The following MICAL2 variants were observed in gnomAD, a reference collection of about 807,000 sequenced individuals.
MICAL2 encodes the protein [F-actin]-monooxygenase MICAL2.
MICAL2 carries 77 observed loss-of-function variants against 127.3 expected under a neutral mutation model. That is an observed-to-expected ratio of 0.60 (90% CI 0.50 to 0.73). The LOEUF (loss-of-function observed/expected upper bound fraction) is 0.73. Among genes scored for constraint, MICAL2 ranks in the 30% least tolerant of loss-of-function variants. The probability of loss-of-function intolerance (pLI) is 0.00; values close to 1 mark genes in which losing one functional copy is unlikely to be tolerated. For missense variants in MICAL2, 1,351 were observed against 1,434.4 expected (o/e 0.94, Z 0.94); for synonymous variants, 570 against 551.1 (o/e 1.03, Z -0.48).
At chr11:12,261,067 G>A in intron 26 of MICAL2, 2 of 985,558 alleles carry the variant, frequency 2.0e-6, no homozygotes, top group Non-Finnish European at 2.4e-6. Context: ...CCAAGGCTGT[G>A]CAGGGTCCAT....
downstream of MICAL2, among the ~76,000 whole-genome samples, chr11:12,360,553 G>C (rs1322019691): frequency 1.3e-5 from 2 of 152,180 alleles, no homozygotes; most frequent in African/African-American, 4.8e-5. Flanking sequence ...TTGCATAAAA[G>C]TGCATCCTTT....
chr11:12,360,958 G>A (rs1939196777), downstream of MICAL2, among the ~76,000 whole-genome samples: 1 of 151,576 alleles, frequency 6.6e-6, no homozygotes, highest in Non-Finnish European at 1.5e-5. Flanking sequence ...TTATTTACAA[G>A]AGAGAGCATT....
intron 29 of MICAL2, among the ~76,000 whole-genome samples, chr11:12,310,806 G>A (rs1039110734): frequency 2.6e-5 from 4 of 152,072 alleles, no homozygotes; most frequent in African/African-American, 9.7e-5. Context: ...TCATGAGGAT[G>A]AGACTTCTTT....
intron 31 of MICAL2, chr11:12,327,052 T>G (rs1024963175): frequency 1.6e-4 from 134 of 820,750 alleles, no homozygotes; most frequent in Non-Finnish European, 1.8e-4. Context: ...GCCTAGTTAT[T>G]CAAGGCAGGA....
downstream of MICAL2, among the ~76,000 whole-genome samples, chr11:12,295,270 G>C (rs1863971777): frequency 6.6e-6 from 1 of 151,612 alleles, no homozygotes; most frequent in Non-Finnish European, 1.5e-5. Context: ...CTCCCAAGTA[G>C]CTGGGATTAC....
chr11:12,310,447 G>A (rs1419055456), intron 29 of MICAL2, among the ~76,000 whole-genome samples: 1 of 152,148 alleles, frequency 6.6e-6, no homozygotes, highest in African/African-American at 2.4e-5. Context: ...ATTCCCCAAT[G>A]TATGTTCTTG....
chr11:12,278,900 G>T (rs996205694), intron 1 of MICAL2, among the ~76,000 whole-genome samples: 1 of 152,202 alleles, frequency 6.6e-6, no homozygotes. Context: ...GGTTTGAGAT[G>T]CCGGTGTCTT....
chr11:12,206,517 C>G (rs1257164490), intron 4 of MICAL2, among the ~76,000 whole-genome samples: 1 of 152,134 alleles, frequency 6.6e-6, no homozygotes, highest in Non-Finnish European at 1.5e-5. Context: ...GCCAGGTCTC[C>G]CCTGGCAGGG....
chr11:12,236,065 G>A (rs968507169), intron 15 of MICAL2, 112 bp from the exon 16 acceptor site: 8 of 849,928 alleles, frequency 9.4e-6, no homozygotes, highest in Non-Finnish European at 1.6e-5. Context: ...TTTGTGGGCA[G>A]GGACACATCC....
At chr11:12,217,279 A>T (rs1856293131) in intron 8 of MICAL2, among the ~76,000 whole-genome samples, 1 of 152,228 alleles carries the variant, frequency 6.6e-6, no homozygotes, top group Non-Finnish European at 1.5e-5. Flanking sequence ...AGAAGAATGC[A>T]GCTATCTTCT....
intron 2 of MICAL2, among the ~76,000 whole-genome samples, chr11:12,144,553 C>T (rs1011755114): frequency 2.6e-5 from 4 of 152,158 alleles, no homozygotes; most frequent in African/African-American, 7.2e-5. Context: ...CGTTCTTCCC[C>T]GAGACTGTCC....
Position 12,221,762 on chromosome 11 carries a change from G to A in MICAL2, c.1322+3G>A. ...CCCCTGGAGCTGCTGGCTGAAAGGT[G>A]AGCTTTGACAGTAGGGCTCCTAACT... On this transcript the variant is annotated splice_donor_region_variant and intron_variant, in intron 10 of 27. Transcript: ENST00000683283. 6.2e-7 allele frequency: 1 copy of A among 1,612,122 alleles called. No individual in the cohort carries two copies. Among genetic ancestry groups the A allele is most frequent in the Non-Finnish European group, 8.5e-7 (1 of 1,178,866 alleles).
At chr11:12,330,786 GGAGA>G (rs59477152) in intron 32 of MICAL2, among the ~76,000 whole-genome samples, 3 of 98,512 alleles carry the variant, frequency 3.0e-5, no homozygotes, top group Admixed American at 9.6e-5. Flanking sequence ...TGCAGGACGT[GGAGA>G]GAGAGAGAGA....
chr11:12,268,876 G>A lies in MICAL2; in HGVS notation c.3335-7110G>A, dbSNP rs375681781. Among the ~76,000 whole-genome samples, 61 of 152,144 alleles carry A rather than the reference G, an allele frequency of 4.0e-4. No individual in the cohort carries two copies. In the East Asian group the frequency reaches 0.01, roughly 26 times the overall value. On this transcript the variant is annotated intron_variant, in intron 24 of 34. Transcript: ENST00000646065. Reference sequence around the variant, plus strand: ...TAGCCAGGCGTAGTGGCAGGCGCCTGTAGTCCCAGCTACTCGGGAGGCTGA... The same window carrying A: ...TAGCCAGGCGTAGTGGCAGGCGCCTATAGTCCCAGCTACTCGGGAGGCTGA...
intron 2 of MICAL2, among the ~76,000 whole-genome samples, chr11:12,154,335 T>C (rs966250374): frequency 1.3e-5 from 2 of 151,736 alleles, no homozygotes; most frequent in African/African-American, 4.8e-5. Context: ...ACCTGAGCGC[T>C]TGTTAGGCCT....
At chr11:12,203,063 C>T (rs1590329499) in intron 3 of MICAL2, among the ~76,000 whole-genome samples, 1 of 152,168 alleles carries the variant, frequency 6.6e-6, no homozygotes, top group South Asian at 2.1e-4. Flanking sequence ...TCACTTAGCA[C>T]AGTGTTTTTA....
At chr11:12,299,531 T>A (rs1032681207) in intron 29 of MICAL2, among the ~76,000 whole-genome samples, 2 of 152,260 alleles carry the variant, frequency 1.3e-5, no homozygotes, top group Non-Finnish European at 2.9e-5. Flanking sequence ...ATCAGCATAT[T>A]TGAATGACTT....
At chr11:12,257,222 C>A in intron 24 of MICAL2, 1 of 436,588 alleles carries the variant, frequency 2.3e-6, no homozygotes, top group Non-Finnish European at 4.1e-6. Context: ...CCTGTGTGCC[C>A]AGGGCTCTAT....
At chr11:12,285,722 C>T (rs577856486) in intron 2 of MICAL2, among the ~76,000 whole-genome samples, 8 of 152,214 alleles carry the variant, frequency 5.3e-5, no homozygotes, top group South Asian at 4.1e-4. Flanking sequence ...TGCTCCACAG[C>T]CTGGCTGCTA....
Sources: gnomAD v4.1 joint callset for allele counts (sites outside exome capture counted in the v4.1 genomes callset) on GRCh38, gnomAD v4.1.1 for gene constraint, MANE v1.5 for transcripts, NCBI Gene and HGNC (gene_info 2026-07-23, HGNC 2026-07-21) for gene names.